Variants in EPYC observed in about 807,000 individuals in gnomAD.
EPYC encodes epiphycan, also known as dermatan sulfate proteoglycan 3.
A neutral mutation model predicts 30.1 loss-of-function variants in EPYC; 28 were observed. That is an observed-to-expected ratio of 0.93 (90% confidence interval 0.69 to 1.28). EPYC has a LOEUF of 1.28. Ranked by LOEUF, EPYC falls within the 50% of genes most tolerant of loss-of-function variation. EPYC has a pLI of 0.00. For synonymous variants in EPYC, 144 were observed against 141.4 expected (o/e 1.02, Z -0.13); for missense variants, 382 against 383.5 (o/e 1.00, Z 0.03).
rs1877878271 is a variant in EPYC at position 91,003,461 on chromosome 12, C to A, written c.-13-883G>T. Among the ~76,000 whole-genome samples the A allele has an allele frequency of 2.6e-5, 4 of 151,938 alleles. No individual in the cohort carries two copies. In the South Asian group the frequency reaches 8.3e-4, roughly 32 times the overall value. On this transcript the variant is annotated intron_variant, in intron 1 of 6. Coordinates refer to ENST00000261172, the MANE Select transcript of EPYC (RefSeq NM_004950.5). The stretch of plus-strand genomic sequence containing the variant: ...TATAGCCATCTTTGTTTTTTAATTC[C>A]TTAATAAGCACAATTCTTATTTTCC...
chr12:90,978,834 A>C (rs1033747537), intron 2 of EPYC, among the ~76,000 whole-genome samples: 4 of 152,124 alleles, frequency 2.6e-5, no homozygotes, highest in African/African-American at 9.7e-5. Context: ...TTTATACTAA[A>C]ATAAAATATA....
At chr12:90,982,753 G>T (rs1020456381) in intron 2 of EPYC, among the ~76,000 whole-genome samples, 11 of 151,962 alleles carry the variant, frequency 7.2e-5, no homozygotes, top group Non-Finnish European at 1.3e-4. Context: ...ATCTTTCTAT[G>T]CCTGGCTTAT....
chr12:91,004,580 A>G (rs1877908892), intron 1 of EPYC, among the ~76,000 whole-genome samples: 2 of 152,052 alleles, frequency 1.3e-5, no homozygotes, highest in Admixed American at 1.3e-4. Flanking sequence ...AGGAAATTTC[A>G]CTATTTCCTC....
intron 2 of EPYC, among the ~76,000 whole-genome samples, chr12:90,989,327 A>G (rs1838889204): frequency 6.6e-6 from 1 of 152,080 alleles, no homozygotes; most frequent in Non-Finnish European, 1.5e-5. Context: ...AAATTCACTT[A>G]TTTCCATTTA....
At chr12:90,989,744 C>T (rs1452218306) in intron 2 of EPYC, among the ~76,000 whole-genome samples, 2 of 151,928 alleles carry the variant, frequency 1.3e-5, no homozygotes. Flanking sequence ...TTCTTATTGT[C>T]AGAAAATGGC....
intron 2 of EPYC, among the ~76,000 whole-genome samples, chr12:90,978,693 G>A (rs1414843686): frequency 6.6e-6 from 1 of 152,040 alleles, no homozygotes; most frequent in African/African-American, 2.4e-5. Context: ...TACTCCCCTT[G>A]AAGGTAATAA....
chr12:90,976,526 G>A (rs2120819909), intron 3 of EPYC, among the ~76,000 whole-genome samples: 1 of 152,150 alleles, frequency 6.6e-6, no homozygotes. Flanking sequence ...GCTGGGATTT[G>A]AATACATATG....
At chr12:90,968,459 T>TA (rs1188429506) in intron 6 of EPYC, among the ~76,000 whole-genome samples, 1 of 152,200 alleles carries the variant, frequency 6.6e-6, no homozygotes, top group African/African-American at 2.4e-5. Flanking sequence ...ACTGCTATAC[T>TA]ACATGTTGGC....
intron 2 of EPYC, among the ~76,000 whole-genome samples, chr12:90,982,320 A>C (rs1485439693): frequency 6.6e-6 from 1 of 152,118 alleles, no homozygotes. Context: ...TATACAGTTC[A>C]TCTTTTAAAG....
intron 4 of EPYC, 44 bp downstream of exon 4, chr12:90,972,778 G>A: frequency 6.7e-7 from 1 of 1,494,496 alleles, no homozygotes; most frequent in Non-Finnish European, 9.0e-7. Flanking sequence ...AAATTTAAAG[G>A]AAGTGTGTAA....
At chr12:90,978,422 A>G (rs1331778264) in intron 2 of EPYC, among the ~76,000 whole-genome samples, 160 bp from the exon 3 acceptor site, 3 of 151,736 alleles carry the variant, frequency 2.0e-5, no homozygotes, top group Non-Finnish European at 2.9e-5. Context: ...AGGAACACAC[A>G]TGGTTCTAGT....
rs142875982 is a variant in EPYC, at chr12:90,964,303, G to A, written c.822C>T (p.His274=). 36 of 1,607,004 alleles carry A rather than the reference G, an allele frequency of 2.2e-5. 1 individual carries two copies. Among genetic ancestry groups the A allele is most frequent in the South Asian group, 1.3e-4 (12 of 90,234 alleles). ...TTTTAACATTGCAGAACGTATCTTC[G>A]TGCATTTCCAGAATGTTGTTATTCT... ...HLQNNNILEM[H]EDTFCNVKNL... The change falls in exon 7 of 7, where the codon CAC becomes CAT. Residue 274 remains histidine, a synonymous_variant. Coordinates refer to ENST00000261172, the MANE Select transcript of EPYC (RefSeq NM_004950.5).
intron 3 of EPYC, among the ~76,000 whole-genome samples, chr12:90,976,223 G>A (rs180968974): frequency 6.6e-6 from 1 of 152,170 alleles, no homozygotes; most frequent in East Asian, 1.9e-4. Flanking sequence ...CAGTTATACA[G>A]GATGAACAAG....
intron 2 of EPYC, among the ~76,000 whole-genome samples, chr12:90,994,036 T>G (rs750647775): frequency 5.9e-5 from 9 of 152,092 alleles, no homozygotes; most frequent in Non-Finnish European, 1.2e-4. Flanking sequence ...TATACATATA[T>G]CTTATATGTG....
intron 6 of EPYC, among the ~76,000 whole-genome samples, chr12:90,969,396 C>T (rs373385875): frequency 1.3e-5 from 2 of 151,780 alleles, no homozygotes; most frequent in East Asian, 3.9e-4. Flanking sequence ...TATGATTGAA[C>T]AATTTTTTAA....
chr12:90,972,074 C>G, intron 4 of EPYC, 72 bp from the exon 5 acceptor site: 1 of 978,968 alleles, frequency 1.0e-6, no homozygotes, highest in Non-Finnish European at 1.5e-6. Context: ...ATGTAATTTT[C>G]CTTTATTTTG....
intron 3 of EPYC, among the ~76,000 whole-genome samples, chr12:90,977,068 G>A (rs1381545628): frequency 6.6e-6 from 1 of 152,032 alleles, no homozygotes; most frequent in Non-Finnish European, 1.5e-5. Context: ...CTCTAAATTT[G>A]TTTCTATGTC....
At chr12:90,985,327 C>G (rs931956285) in intron 2 of EPYC, among the ~76,000 whole-genome samples, 4 of 152,144 alleles carry the variant, frequency 2.6e-5, no homozygotes, top group Non-Finnish European at 5.9e-5. Flanking sequence ...AAAATATACT[C>G]CCCTGTCATC....
chr12:90,965,838 A>G (rs1444846396), intron 6 of EPYC, among the ~76,000 whole-genome samples: 1 of 152,050 alleles, frequency 6.6e-6, no homozygotes, highest in Non-Finnish European at 1.5e-5. Context: ...CAGAGCTTGT[A>G]CTGCCTTTGT....
Sources: allele counts gnomAD v4.1 joint callset (sites outside exome capture counted in the v4.1 genomes callset), GRCh38; gene constraint gnomAD v4.1.1; transcripts MANE v1.5; gene names NCBI Gene and HGNC (gene_info 2026-07-23, HGNC 2026-07-21).